The following COA1 variants were observed in gnomAD, a reference collection of about 807,000 sequenced individuals.
The protein encoded by COA1 is cytochrome c oxidase assembly factor 1.
A neutral mutation model predicts 16.0 loss-of-function variants in COA1; 13 were observed. That is an observed-to-expected ratio of 0.81 (90% CI 0.53 to 1.29). COA1 has a LOEUF of 1.29. COA1 is among the 50% of genes most tolerant of loss of function. The pLI is 0.00. For missense variants in COA1, 179 were observed against 177.0 expected (o/e 1.01, Z -0.06); for synonymous variants, 65 against 65.7 (o/e 0.99, Z 0.05).
At chr7:43,663,688 A>C (rs1234925232) in intron 1 of COA1, among the ~76,000 whole-genome samples, 3 of 92,410 alleles carry the variant, frequency 3.2e-5, no homozygotes, top group South Asian at 3.5e-4. Context: ...AAAAAAAAAA[A>C]CACACACACA....
At position 43,616,077 on chromosome 7, in the gene COA1, CCCAGGG is replaced by C. The variant is rs1228999933; in HGVS notation, c.*134-6588_*134-6583del. On this transcript the variant is annotated intron_variant and NMD_transcript_variant, in intron 6 of 6. Coordinates refer to the COA1 transcript ENST00000415076. Reference sequence around the variant, plus strand: ...CTGGTGTCTTGTTTTCTGTTATTTCCCCAGGGCCTAGCTCATTAGGCAATCAATAAA... The same window carrying C: ...CTGGTGTCTTGTTTTCTGTTATTTCCCCTAGCTCATTAGGCAATCAATAAA... Among the ~76,000 whole-genome samples the C allele has an allele frequency of 7.2e-5, 11 of 152,246 alleles. No individual in the cohort carries two copies. In the South Asian group the frequency reaches 1.0e-3, roughly 14 times the overall value.
At chr7:43,617,779 G>A (rs2083481545) in intron 6 of COA1, among the ~76,000 whole-genome samples, 1 of 152,104 alleles carries the variant, frequency 6.6e-6, no homozygotes, top group Admixed American at 6.5e-5. Flanking sequence ...AGAGTTTGGA[G>A]TAAAAAGAGG....
At chr7:43,649,283 A>G (rs2090265550) in intron 1 of COA1, 1 of 152,260 alleles carries the variant, frequency 6.6e-6, no homozygotes, top group South Asian at 2.1e-4. Context: ...TGCACTAATA[A>G]GTGAATAAGT....
chr7:43,623,934 A>T lies in COA1; in HGVS notation c.*134-14439T>A, dbSNP rs55921157. 1,470 of 1,286,170 alleles carry T rather than the reference A, an allele frequency of 1.1e-3. 10 individuals carry two copies. The African/African-American group carries it at 0.017, about 15-fold the overall frequency. The allele number at this position is 1,286,170 out of a possible 1,614,324, so 79.7% of individuals were successfully genotyped here. On this transcript the variant is annotated intron_variant and NMD_transcript_variant, in intron 6 of 6. Transcript: ENST00000415076. ...TTTAATATTGAACTAATTCAATATT[A>T]AAAAATTCAGTATTAAAAAACTGAC...
intron 1 of COA1, among the ~76,000 whole-genome samples, chr7:43,664,274 C>G (rs1025790122): frequency 6.6e-6 from 1 of 152,160 alleles, no homozygotes; most frequent in Non-Finnish European, 1.5e-5. Flanking sequence ...CAACACCACA[C>G]CCGGCTCCAT....
chr7:43,722,776 G>C (rs1411019960), intron 1 of COA1, among the ~76,000 whole-genome samples: 2 of 152,170 alleles, frequency 1.3e-5, no homozygotes, highest in African/African-American at 4.8e-5. Context: ...TTGGGTGCTT[G>C]GCATCTATGT....
At chr7:43,608,998 C>CA (rs1006775548) in exon 7 of COA1, 1 of 152,254 alleles carries the variant, frequency 6.6e-6, no homozygotes, top group African/African-American at 2.4e-5. Flanking sequence ...GAAAGAAAAA[C>CA]AAAGGACAGT....
intron 6 of COA1, among the ~76,000 whole-genome samples, chr7:43,616,766 G>A (rs1234519264): frequency 4.6e-5 from 7 of 151,692 alleles, no homozygotes; most frequent in Non-Finnish European, 2.9e-5. Context: ...GCGTGGTGGC[G>A]GGCTCCTGTA....
chr7:43,704,388 C>T (rs775211473), intron 1 of COA1, among the ~76,000 whole-genome samples: 15 of 152,246 alleles, frequency 9.9e-5, no homozygotes, highest in Admixed American at 3.3e-4. Flanking sequence ...GAAATTTTCA[C>T]GGAAGATATC....
At chr7:43,702,820 T>C (rs932555910) in intron 1 of COA1, among the ~76,000 whole-genome samples, 2 of 152,154 alleles carry the variant, frequency 1.3e-5, no homozygotes, top group Non-Finnish European at 2.9e-5. Flanking sequence ...GTTTCGTTGG[T>C]CTTTTGTATG....
intron 1 of COA1, among the ~76,000 whole-genome samples, chr7:43,723,366 C>T (rs2095548565): frequency 6.6e-6 from 1 of 152,098 alleles, no homozygotes; most frequent in Non-Finnish European, 1.5e-5. Flanking sequence ...ATGATACAGT[C>T]GTAAAAGAGA....
At chr7:43,678,548 T>C (rs1408092910) in intron 1 of COA1, among the ~76,000 whole-genome samples, 1 of 151,952 alleles carries the variant, frequency 6.6e-6, no homozygotes, top group African/African-American at 2.4e-5. Flanking sequence ...CTGGAAAAAA[T>C]ATTTGCAACT....
At chr7:43,700,455 G>A (rs964803725) in intron 1 of COA1, among the ~76,000 whole-genome samples, 4 of 151,592 alleles carry the variant, frequency 2.6e-5, no homozygotes, top group African/African-American at 9.7e-5. Flanking sequence ...TCCGGCCTGA[G>A]ATTTCAAATA....
intron 6 of COA1, among the ~76,000 whole-genome samples, chr7:43,616,880 G>C (rs2083403207): frequency 6.6e-6 from 1 of 152,132 alleles, no homozygotes; most frequent in Non-Finnish European, 1.5e-5. Context: ...CTGGGCAAAA[G>C]AGTGAGACTC....
rs780213993 is a variant in COA1, at chr7:43,619,550, C to CT, written c.*134-10056dup. 5.6e-6 allele frequency: 9 copies of CT among 1,593,308 alleles called. No individual in the cohort carries two copies. In the African/African-American group the frequency reaches 1.2e-4, roughly 22 times the overall value. ...TTTTATGGGCTGCATGTTTTGTGTA[C>CT]TTAATCATAGTTATATTGATTTTTG... On this transcript the variant is annotated intron_variant and NMD_transcript_variant, in intron 6 of 6. Transcript: ENST00000415076.
intron 2 of COA1, 188 bp from the exon 3 acceptor site, chr7:43,647,822 G>A (rs770603920): frequency 1.7e-6 from 1 of 593,870 alleles, no homozygotes; most frequent in South Asian, 2.0e-5. Context: ...GCCCTCCTGA[G>A]GGTGCCCTCT....
chr7:43,707,947 C>A (rs2095060493), intron 1 of COA1, among the ~76,000 whole-genome samples: 1 of 152,182 alleles, frequency 6.6e-6, no homozygotes, highest in Non-Finnish European at 1.5e-5. Context: ...GTGGTTATAT[C>A]CAACAGTGTA....
intron 1 of COA1, among the ~76,000 whole-genome samples, chr7:43,677,058 G>C (rs1482466543): frequency 6.6e-6 from 1 of 152,138 alleles, no homozygotes; most frequent in Non-Finnish European, 1.5e-5. Flanking sequence ...ATGCCTAACA[G>C]ATCAAAATGC....
At chr7:43,688,619 G>A (rs550508147) in intron 1 of COA1, among the ~76,000 whole-genome samples, 2 of 152,108 alleles carry the variant, frequency 1.3e-5, no homozygotes, top group East Asian at 3.9e-4. Context: ...AAGATAGAAA[G>A]TGAATGTATC....
Sources: gnomAD v4.1 joint callset for allele counts (sites outside exome capture counted in the v4.1 genomes callset) on GRCh38, gnomAD v4.1.1 for gene constraint, MANE v1.5 for transcripts, NCBI Gene and HGNC (gene_info 2026-07-23, HGNC 2026-07-21) for gene names.